The following MARVELD2 variants were observed in gnomAD, a reference collection of about 807,000 sequenced individuals.
The protein encoded by MARVELD2 is MARVEL domain-containing protein 2.
Under a neutral mutation model 57.6 loss-of-function variants are expected in MARVELD2, and 49 were observed. The ratio of observed to expected loss-of-function variants is 0.85; its 90% confidence interval spans 0.68 to 1.08. MARVELD2 has a LOEUF of 1.08. MARVELD2 is among the 50% of genes least tolerant of loss of function. MARVELD2 has a pLI of 0.00. For synonymous variants in MARVELD2, 238 were observed against 258.8 expected (o/e 0.92, Z 0.77); for missense variants, 606 against 701.1 (o/e 0.86, Z 1.53).
intron 3 of MARVELD2, among the ~76,000 whole-genome samples, chr5:69,432,210 C>A (rs1580489756): frequency 6.6e-6 from 1 of 152,108 alleles, no homozygotes; most frequent in Non-Finnish European, 1.5e-5. Context: ...GGGGTTTTAC[C>A]ATGTTGGCCA....
Position 69,424,610 on chromosome 5 carries a change from C to T in MARVELD2, c.1156C>T (p.Pro386Ser). 6.2e-7 allele frequency: 1 copy of T among 1,603,374 alleles called. No individual in the cohort carries two copies. Among genetic ancestry groups the T allele is most frequent in the Non-Finnish European group, 8.5e-7 (1 of 1,170,004 alleles). The change falls in exon 3 of 7, where the codon CCA becomes TCA. Residue 386 changes from proline (P) to serine (S), a missense_variant. Coordinates refer to ENST00000325631, the MANE Select transcript of MARVELD2 (RefSeq NM_001038603.3). ...EYMEQQEINE[P>S]SLSSKRKMCE... Reference sequence around the variant, plus strand: ...ACTCTTTTTGTTCCAGATAAATGAGCCATCATTGTCATCGAAAAGGAAAAT... The same window carrying T: ...ACTCTTTTTGTTCCAGATAAATGAGTCATCATTGTCATCGAAAAGGAAAAT...
In MARVELD2 at chr5:69,422,462, G is replaced by T. The variant is rs987662244; in HGVS notation, c.1146+1931G>T. Among the ~76,000 whole-genome samples, 4 of 147,058 alleles carry T rather than the reference G, an allele frequency of 2.7e-5. No homozygotes were observed. In the Admixed American group the frequency reaches 2.8e-4, roughly 10 times the overall value. The stretch of plus-strand genomic sequence containing the variant: ...ATAGATAAGGGATGAAATAAGCCCT[G>T]GTCTCCTGTAGTGCTCCCAGGCTTA... On this transcript the variant is annotated intron_variant, in intron 2 of 6. Coordinates refer to ENST00000325631, the MANE Select transcript of MARVELD2 (RefSeq NM_001038603.3).
At chr5:69,416,224 G>C (rs1407000989) in intron 1 of MARVELD2, among the ~76,000 whole-genome samples, 1 of 152,176 alleles carries the variant, frequency 6.6e-6, no homozygotes, top group African/African-American at 2.4e-5. Context: ...TTAGGAATGT[G>C]TTTCAAAAAC....
At chr5:69,436,593 A>C (rs989538166) in intron 5 of MARVELD2, among the ~76,000 whole-genome samples, 1 of 152,128 alleles carries the variant, frequency 6.6e-6, no homozygotes, top group Admixed American at 6.6e-5. Context: ...CTAATCCTGG[A>C]GCAATGGAAT....
At chr5:69,435,296 G>A (rs536817569) in intron 5 of MARVELD2, among the ~76,000 whole-genome samples, 1 of 152,068 alleles carries the variant, frequency 6.6e-6, no homozygotes, top group Admixed American at 6.5e-5. Flanking sequence ...TTACAGGCAT[G>A]AGCCACTGCA....
intron 1 of MARVELD2, chr5:69,419,038 A>ACCT (rs1766513496): frequency 2.7e-6 from 1 of 367,750 alleles, no homozygotes; most frequent in African/African-American, 2.1e-5. Context: ...AGCGGTCTAT[A>ACCT]CCTCAGCCAC....
intron 1 of MARVELD2, chr5:69,418,922 TTC>T (rs1268987730): frequency 6.3e-6 from 1 of 159,192 alleles, no homozygotes; most frequent in East Asian, 1.8e-4. Flanking sequence ...CATTTTTCAT[TTC>T]TTTTTTTTTT....
In MARVELD2 at chr5:69,425,244, T is replaced by C. The variant is rs1312089833; in HGVS notation, c.1182+608T>C. Among the ~76,000 whole-genome samples the C allele has an allele frequency of 1.0e-4, 10 of 95,834 alleles. No homozygotes were observed. The Admixed American group carries it at 1.1e-3, about 11-fold the overall frequency. 62.9% of individuals were successfully genotyped at this position (95,834 alleles called of 152,430 possible). A position where few individuals can be genotyped will look rare whatever the true frequency, so the allele number is the denominator to read the frequency against. On this transcript the variant is annotated intron_variant, in intron 3 of 6. Transcript: ENST00000325631. ...GATTATCACACTCTGGGGACTGTGG[T>C]GGGGTCGGGGGAGCGGGGAGGGATA...
chr5:69,440,059 G>T (rs1472349301), intron 5 of MARVELD2, among the ~76,000 whole-genome samples: 2 of 152,182 alleles, frequency 1.3e-5, no homozygotes, highest in Non-Finnish European at 2.9e-5. Context: ...AGCTAATGTG[G>T]TTATTATGTG....
intron 2 of MARVELD2, among the ~76,000 whole-genome samples, chr5:69,423,478 C>T (rs999338510): frequency 8.6e-5 from 13 of 151,942 alleles, no homozygotes; most frequent in Admixed American, 3.9e-4. Flanking sequence ...AGGCTGGTCT[C>T]GAACTTCTGG....
At chr5:69,426,629 G>A (rs1000813810) in intron 3 of MARVELD2, among the ~76,000 whole-genome samples, 3 of 151,780 alleles carry the variant, frequency 2.0e-5, no homozygotes, top group Non-Finnish European at 2.9e-5. Flanking sequence ...CACCGCGCCC[G>A]GCCTGGACAT....
chr5:69,437,208 A>C (rs1767174558), intron 5 of MARVELD2, among the ~76,000 whole-genome samples: 1 of 145,958 alleles, frequency 6.9e-6, no homozygotes, highest in South Asian at 2.2e-4. Context: ...AAAAAAAGAA[A>C]CCATCCCAAC....
intron 1 of MARVELD2, chr5:69,419,123 A>G: frequency 1.8e-6 from 1 of 557,880 alleles, no homozygotes; most frequent in Non-Finnish European, 3.2e-6. Context: ...ATAGTGTTTC[A>G]CCATGTTGGT....
At chr5:69,436,395 G>A (rs1486744984) in intron 5 of MARVELD2, among the ~76,000 whole-genome samples, 4 of 115,630 alleles carry the variant, frequency 3.5e-5, no homozygotes, top group East Asian at 2.7e-4. Flanking sequence ...TCAAATTTAT[G>A]TATGGGAACA....
chr5:69,423,739 C>T (rs1766699946), intron 2 of MARVELD2, among the ~76,000 whole-genome samples: 1 of 152,142 alleles, frequency 6.6e-6, no homozygotes, highest in Non-Finnish European at 1.5e-5. Flanking sequence ...TCCCAAAGTG[C>T]TGGGATTACA....
intron 5 of MARVELD2, among the ~76,000 whole-genome samples, chr5:69,438,275 A>G (rs138453372): frequency 1.8e-4 from 28 of 152,294 alleles, no homozygotes; most frequent in Admixed American, 2.0e-4. Context: ...CTCTAGATGG[A>G]TGTTACAGCT....
chr5:69,429,370 A>T (rs558660330), intron 3 of MARVELD2, among the ~76,000 whole-genome samples: 8 of 152,208 alleles, frequency 5.3e-5, no homozygotes, highest in Non-Finnish European at 1.2e-4. Flanking sequence ...CTTCCTGGCA[A>T]GATGAAGATT....
intron 3 of MARVELD2, among the ~76,000 whole-genome samples, chr5:69,429,276 G>A (rs1419734368): frequency 1.3e-5 from 2 of 152,132 alleles, no homozygotes; most frequent in South Asian, 2.1e-4. Flanking sequence ...GTGAGTTAAA[G>A]TGCTAGTGGT....
In MARVELD2 at chr5:69,440,396, T is replaced by C. The variant is rs950014708; in HGVS notation, c.1504-54T>C. On this transcript the variant is annotated intron_variant, in intron 5 of 6. Coordinates refer to ENST00000325631, the MANE Select transcript of MARVELD2 (RefSeq NM_001038603.3). ...CTAATTCTCAGTGTGCTTTGAGATA[T>C]GATTTGAGTAAATGCAAATGTTTTA... 9 of 887,926 alleles carry C rather than the reference T, an allele frequency of 1.0e-5. No individual in the cohort carries two copies. The Admixed American group carries it at 1.2e-4, about 12-fold the overall frequency. The allele number at this position is 887,926 out of a possible 1,614,324, so 55.0% of individuals were successfully genotyped here. A position where few individuals can be genotyped will look rare whatever the true frequency, so the allele number is the denominator to read the frequency against.
Sources: allele counts gnomAD v4.1 joint callset (sites outside exome capture counted in the v4.1 genomes callset), GRCh38; gene constraint gnomAD v4.1.1; transcripts MANE v1.5; gene names NCBI Gene and HGNC (gene_info 2026-07-23, HGNC 2026-07-21).